The following CADM2 variants were observed in gnomAD, a reference collection of about 807,000 sequenced individuals.
The protein encoded by CADM2 is immunoglobulin superfamily member 4D.
Under a neutral mutation model 49.8 loss-of-function variants are expected in CADM2, and 12 were observed. The observed-to-expected ratio is 0.24, with a 90% confidence interval of 0.15 to 0.39. CADM2 has a LOEUF of 0.39. Ranked by LOEUF, CADM2 falls within the 10% of genes least tolerant of loss-of-function variation. CADM2 has a pLI of 1.00. For missense variants in CADM2, 378 were observed against 492.3 expected (o/e 0.77, Z 2.20); for synonymous variants, 214 against 175.4 (o/e 1.22, Z -1.74).
At chr3:85,179,495 C>G (rs1376936) in intron 1 of CADM2, among the ~76,000 whole-genome samples, 34,066 of 151,162 alleles carry the variant, frequency 0.23, 6,479 homozygotes, top group African/African-American at 0.53. Flanking sequence ...AGCAGGAAAT[C>G]CTTTTTTTTA....
At chr3:85,161,285 G>A (rs1357925362) in intron 1 of CADM2, among the ~76,000 whole-genome samples, 1 of 152,152 alleles carries the variant, frequency 6.6e-6, no homozygotes, top group African/African-American at 2.4e-5. Context: ...GAAAAATTTG[G>A]TGGGTGAGGA....
intron 2 of CADM2, among the ~76,000 whole-genome samples, chr3:85,777,181 G>T (rs542209996): frequency 6.6e-6 from 1 of 151,410 alleles, no homozygotes; most frequent in East Asian, 1.9e-4. Context: ...AATTTTTTAT[G>T]ACATTCTCAT....
chr3:85,987,711 AAAT>A, intron 8 of CADM2, among the ~76,000 whole-genome samples: 1 of 146,372 alleles, frequency 6.8e-6, no homozygotes, highest in Non-Finnish European at 1.5e-5. Context: ...AATAATATAT[AAAT>A]AATTAAATAT....
At chr3:86,061,627 G>A (rs1000907132) in intron 8 of CADM2, among the ~76,000 whole-genome samples, 9 of 152,004 alleles carry the variant, frequency 5.9e-5, no homozygotes, top group Non-Finnish European at 1.3e-4. Context: ...CACAAGCCAC[G>A]TGTCATAACA....
At chr3:85,413,163 A>AAAAC (rs2035752189) in intron 1 of CADM2, among the ~76,000 whole-genome samples, 1 of 99,908 alleles carries the variant, frequency 1.0e-5, no homozygotes, top group Non-Finnish European at 1.9e-5. Context: ...AAAAAAAAAA[A>AAAAC]TAATAATAAT....
chr3:85,972,175 G>A (rs1726240689), intron 8 of CADM2, among the ~76,000 whole-genome samples: 1 of 151,568 alleles, frequency 6.6e-6, no homozygotes, highest in Non-Finnish European at 1.5e-5. Flanking sequence ...ATGTAGCTGA[G>A]CATAATGGGA....
intron 7 of CADM2, among the ~76,000 whole-genome samples, chr3:85,939,889 T>C (rs957071053): frequency 2.7e-5 from 4 of 150,054 alleles, no homozygotes; most frequent in African/African-American, 7.4e-5. Flanking sequence ...GATCACATAC[T>C]ATATAGCAAC....
chr3:85,210,837 G>A (rs1225294643), intron 1 of CADM2, among the ~76,000 whole-genome samples: 1 of 152,162 alleles, frequency 6.6e-6, no homozygotes. Context: ...CACCACACCA[G>A]CCAGAATAGT....
In CADM2 at chr3:85,205,229, C is replaced by T. The variant is rs546579488; in HGVS notation, c.61+245561C>T. 1.2e-3 allele frequency among the ~76,000 whole-genome samples: 180 copies of T among 152,126 alleles called. 1 individual carries two copies. The highest frequency in any genetic ancestry group is 3.4e-3 in the Middle Eastern group (1 of 294). On this transcript the variant is annotated intron_variant, in intron 1 of 9. Transcript: ENST00000383699. ...GTAGAGACAGGGTCTCACTATATTT[C>T]TCAGGCTGATCTCAAACTCCTGAGC... is the stretch of plus-strand genomic sequence containing the variant.
chr3:85,524,542 G>T (rs1027025735), intron 1 of CADM2, among the ~76,000 whole-genome samples: 2 of 152,038 alleles, frequency 1.3e-5, no homozygotes, highest in Non-Finnish European at 2.9e-5. Context: ...TTGTTGTATG[G>T]CTTAGCACGT....
chr3:85,287,326 C>T (rs2043658249), intron 1 of CADM2, among the ~76,000 whole-genome samples: 1 of 151,270 alleles, frequency 6.6e-6, no homozygotes, highest in Non-Finnish European at 1.5e-5. Flanking sequence ...TGAAGGAATA[C>T]TTTTTTCTTT....
intron 2 of CADM2, among the ~76,000 whole-genome samples, chr3:85,742,734 T>C (rs2068447020): frequency 1.3e-5 from 2 of 152,184 alleles, no homozygotes; most frequent in African/African-American, 4.8e-5. Context: ...ATTAATATGA[T>C]CTTAGCATTT....
At chr3:85,334,196 T>C (rs1187990542) in intron 1 of CADM2, among the ~76,000 whole-genome samples, 9 of 151,576 alleles carry the variant, frequency 5.9e-5, no homozygotes, top group Non-Finnish European at 1.3e-4. Context: ...AAATCTCTCC[T>C]GGAGCAAATG....
intron 1 of CADM2, among the ~76,000 whole-genome samples, chr3:85,021,412 T>C (rs976635647): frequency 2.6e-5 from 4 of 152,144 alleles, no homozygotes; most frequent in African/African-American, 7.2e-5. Context: ...ACAGGCATTA[T>C]CTAACAAGCC....
At chr3:85,881,690 G>C (rs1167165645) in intron 3 of CADM2, among the ~76,000 whole-genome samples, 2 of 152,146 alleles carry the variant, frequency 1.3e-5, no homozygotes, top group Non-Finnish European at 2.9e-5. Context: ...AGGGAGAAGA[G>C]GAGATTCCTC....
intron 1 of CADM2, among the ~76,000 whole-genome samples, chr3:85,211,821 A>T (rs1197227566): frequency 6.6e-6 from 1 of 152,024 alleles, no homozygotes; most frequent in Non-Finnish European, 1.5e-5. Flanking sequence ...GTTAAGTCTG[A>T]TGTTTCTTTT....
intron 1 of CADM2, among the ~76,000 whole-genome samples, chr3:85,483,173 A>G (rs529507174): frequency 6.6e-6 from 1 of 151,650 alleles, no homozygotes; most frequent in South Asian, 2.1e-4. Context: ...TTTTAACTGT[A>G]AGTACACAAT....
chr3:85,726,661 A>G, intron 2 of CADM2, 113 bp downstream of exon 2: 1 of 677,198 alleles, frequency 1.5e-6, no homozygotes, highest in East Asian at 2.7e-5. Context: ...ATTTCAGTGT[A>G]TAGATATTGT....
intron 1 of CADM2, among the ~76,000 whole-genome samples, chr3:85,397,408 G>A (rs9833314): frequency 0.25 from 38,048 of 152,008 alleles, 4,938 homozygotes; most frequent in South Asian, 0.34. Flanking sequence ...GAATTGAGGA[G>A]ATGGTCAGAC....
Sources: allele counts gnomAD v4.1 joint callset (sites outside exome capture counted in the v4.1 genomes callset), GRCh38; gene constraint gnomAD v4.1.1; transcripts MANE v1.5; gene names NCBI Gene and HGNC (gene_info 2026-07-23, HGNC 2026-07-21).